Variants in SGCD observed in about 807,000 individuals in gnomAD.
The protein encoded by SGCD is sarcoglycan delta, also known as delta-sarcoglycan.
SGCD carries 18 observed loss-of-function variants against 36.6 expected under a neutral mutation model. The ratio of observed to expected loss-of-function variants is 0.49; its 90% confidence interval spans 0.34 to 0.73. The LOEUF (loss-of-function observed/expected upper bound fraction) is 0.73, where lower values mean the gene tolerates loss of function less well. SGCD is among the 30% of genes least tolerant of loss of function. SGCD has a pLI of 0.01. For synonymous variants in SGCD, 133 were observed against 130.6 expected (o/e 1.02, Z -0.12); for missense variants, 387 against 346.7 (o/e 1.12, Z -0.92).
intron 3 of SGCD, among the ~76,000 whole-genome samples, chr5:156,462,562 A>G (rs1287954853): frequency 6.6e-6 from 1 of 152,236 alleles, no homozygotes; most frequent in African/African-American, 2.4e-5. Flanking sequence ...CACTGTGCTT[A>G]TAAATCAGAT....
chr5:156,244,784 AT>A (rs761050134), intron 3 of SGCD, among the ~76,000 whole-genome samples: 5 of 152,194 alleles, frequency 3.3e-5, no homozygotes, highest in Non-Finnish European at 7.3e-5. Context: ...CTGTAACATA[AT>A]TTTGTATTTT....
chr5:156,176,437 A>G (rs896172076), intron 3 of SGCD, among the ~76,000 whole-genome samples: 4 of 152,184 alleles, frequency 2.6e-5, no homozygotes, highest in Admixed American at 2.6e-4. Flanking sequence ...TAGGAGATTA[A>G]AAATGTTGAA....
chr5:156,073,994 T>G (rs1561707789), intron 1 of SGCD, among the ~76,000 whole-genome samples: 1 of 152,134 alleles, frequency 6.6e-6, no homozygotes, highest in South Asian at 2.1e-4. Context: ...GTGAGTAAGA[T>G]TCAAGTAAAT....
chr5:155,980,637 A>G (rs13153517), intron 1 of SGCD, among the ~76,000 whole-genome samples: 32 of 119,336 alleles, frequency 2.7e-4, no homozygotes, highest in Admixed American at 6.2e-4. Context: ...AAAAAAAAAA[A>G]GAGTTCTTAC....
At chr5:156,230,800 G>A (rs988686965) in intron 3 of SGCD, among the ~76,000 whole-genome samples, 1 of 152,112 alleles carries the variant, frequency 6.6e-6, no homozygotes, top group Non-Finnish European at 1.5e-5. Flanking sequence ...TGGCTTTAGT[G>A]TCTTGCATAG....
chr5:156,120,310 G>T (rs1443294461), intron 2 of SGCD, among the ~76,000 whole-genome samples: 1 of 152,186 alleles, frequency 6.6e-6, no homozygotes, highest in Non-Finnish European at 1.5e-5. Flanking sequence ...AGAAAACCAA[G>T]AATTATAGAA....
chr5:156,176,409 T>C (rs1018174858), intron 3 of SGCD, among the ~76,000 whole-genome samples: 8 of 152,224 alleles, frequency 5.3e-5, no homozygotes, highest in African/African-American at 2.4e-5. Context: ...GAAAACCTTA[T>C]GCCATTTTTT....
the SGCD span, among the ~76,000 whole-genome samples, chr5:155,741,214 CTTA>C: frequency 5.3e-5 from 8 of 152,038 alleles, no homozygotes; most frequent in Non-Finnish European, 1.2e-4. Context: ...AGACAAGGTT[CTTA>C]TTATTTAGAT....
intron 3 of SGCD, among the ~76,000 whole-genome samples, chr5:156,399,087 A>G (rs1233709123): frequency 2.0e-5 from 3 of 152,220 alleles, no homozygotes; most frequent in Non-Finnish European, 2.9e-5. Context: ...TTGTTGTAAT[A>G]GTTGATCTAT....
chr5:156,522,663 G>A (rs563603371), intron 4 of SGCD, among the ~76,000 whole-genome samples: 5 of 151,848 alleles, frequency 3.3e-5, no homozygotes, highest in African/African-American at 1.2e-4. Context: ...GGGTTGTTAG[G>A]TGCAGCCAAC....
At chr5:156,075,059 T>C (rs749227467) in intron 1 of SGCD, among the ~76,000 whole-genome samples, 2 of 152,214 alleles carry the variant, frequency 1.3e-5, no homozygotes, top group Non-Finnish European at 2.9e-5. Flanking sequence ...GAAATTATAT[T>C]TTTCACAAAT....
At chr5:156,083,402 C>G (rs2127592110) in intron 1 of SGCD, among the ~76,000 whole-genome samples, 1 of 151,440 alleles carries the variant, frequency 6.6e-6, no homozygotes, top group East Asian at 1.9e-4. Context: ...CCAAGTGATT[C>G]TCCCACCACA....
At chr5:156,239,585 A>G (rs1240001985) in intron 3 of SGCD, among the ~76,000 whole-genome samples, 3 of 152,064 alleles carry the variant, frequency 2.0e-5, no homozygotes, top group Non-Finnish European at 4.4e-5. Context: ...TACATTACAG[A>G]AAAAAATATT....
At chr5:155,848,439 T>G in the SGCD span, among the ~76,000 whole-genome samples, 1 of 152,286 alleles carries the variant, frequency 6.6e-6, no homozygotes, top group South Asian at 2.1e-4. Flanking sequence ...AAAGCATTGG[T>G]TATGATATCA....
intron 3 of SGCD, among the ~76,000 whole-genome samples, chr5:156,185,408 G>C (rs1021934314): frequency 6.6e-6 from 1 of 151,720 alleles, no homozygotes; most frequent in African/African-American, 2.4e-5. Flanking sequence ...CAGAGACGGG[G>C]TTTCACCACG....
At chr5:156,458,167 G>T (rs960435844) in intron 3 of SGCD, among the ~76,000 whole-genome samples, 1 of 152,050 alleles carries the variant, frequency 6.6e-6, no homozygotes, top group African/African-American at 2.4e-5. Context: ...TCCCCAGCAG[G>T]CAGGCAGGCA....
At position 156,470,904 on chromosome 5, in the gene SGCD, A is replaced by G. The variant is rs540405393; in HGVS notation, c.193-37697A>G. On this transcript the variant is annotated intron_variant, in intron 3 of 8. Coordinates refer to ENST00000337851, the MANE Select transcript of SGCD (RefSeq NM_000337.6). ...ACTGAAGGAAAACCTTAATGACTAA[A>G]GTATACAGAAGTATAAAAGCTAGGT... Among the ~76,000 whole-genome samples the G allele has an allele frequency of 2.4e-4, 37 of 152,364 alleles. No homozygotes were observed. In the South Asian group the frequency reaches 7.0e-3, roughly 29 times the overall value.
chr5:155,784,206 G>T, the SGCD span, among the ~76,000 whole-genome samples: 6 of 152,296 alleles, frequency 3.9e-5, no homozygotes, highest in African/African-American at 1.4e-4. Flanking sequence ...AGTGTTTTCA[G>T]GAGGGACTCA....
intron 4 of SGCD, among the ~76,000 whole-genome samples, chr5:156,530,346 G>A (rs780026793): frequency 2.0e-5 from 3 of 152,194 alleles, no homozygotes; most frequent in South Asian, 2.1e-4. Context: ...ATTAAGAGAT[G>A]TGAAATGAAG....
Sources: allele counts gnomAD v4.1 joint callset (sites outside exome capture counted in the v4.1 genomes callset), GRCh38; gene constraint gnomAD v4.1.1; transcripts MANE v1.5; gene names NCBI Gene and HGNC (gene_info 2026-07-23, HGNC 2026-07-21).